Variants in ZNF268 observed in about 807,000 individuals in gnomAD.
The protein encoded by ZNF268 is zinc finger protein 268.
ZNF268 carries 20 observed loss-of-function variants against 29.3 expected under a neutral mutation model. That is an observed-to-expected ratio of 0.68 (90% CI 0.48 to 0.99). The LOEUF (loss-of-function observed/expected upper bound fraction) is 0.99, where lower values mean the gene tolerates loss of function less well. Ranked by LOEUF, ZNF268 falls within the 50% of genes least tolerant of loss-of-function variation. The pLI, the probability that ZNF268 is intolerant of heterozygous loss-of-function variation, is 0.00. For missense variants in ZNF268, 1,240 were observed against 1,121.6 expected (o/e 1.11, Z -1.51); for synonymous variants, 429 against 376.9 (o/e 1.14, Z -1.60).
rs1956858706 is a variant in ZNF268, at chr12:133,204,813, T to C, written c.*283T>C. ...AAAAGTTCATACAGGTGAGGAACCA[T>C]GTTAAACGTTGTAAAGTCATTTTAC... On this transcript the variant is annotated 3_prime_UTR_variant, in exon 6 of 6. Transcript: ENST00000536435. 3.4e-6 allele frequency: 1 copy of C among 297,076 alleles called. No individual in the cohort carries two copies. The highest frequency in any genetic ancestry group is 6.2e-6 in the Non-Finnish European group (1 of 161,446). 18.4% of individuals were successfully genotyped at this position (297,076 alleles called of 1,614,324 possible). A position where few individuals can be genotyped will look rare whatever the true frequency, so the allele number is the denominator to read the frequency against.
intron 5 of ZNF268, among the ~76,000 whole-genome samples, chr12:133,195,398 G>A (rs895431338): frequency 6.6e-6 from 1 of 152,124 alleles, no homozygotes; most frequent in Non-Finnish European, 1.5e-5. Context: ...ATGTTCAACA[G>A]GCTAAATTTT....
At position 133,202,196 on chromosome 12, in the gene ZNF268, C is replaced by T; in HGVS notation, c.510C>T (p.Asp170=). 2 of 1,603,646 alleles carry T rather than the reference C, an allele frequency of 1.2e-6. No homozygotes were observed. Among genetic ancestry groups the T allele is most frequent in the Non-Finnish European group, 1.7e-6 (2 of 1,175,454 alleles). ...TGGATTGGCATCAGGAAAATAAAGA[C>T]AAGCTGGGAAGTACGGCAAAAAGCT... The part of the protein sequence containing the change: ...DLMDWHQENK[D]KLGSTAKSFE... The change falls in exon 6 of 6, where the codon GAC becomes GAT. Residue 170 remains aspartate (D), a synonymous_variant. Coordinates refer to ENST00000536435, the MANE Select transcript of ZNF268 (RefSeq NM_003415.3).
At position 133,203,534 on chromosome 12, in the gene ZNF268, G is replaced by T; in HGVS notation, c.1848G>T (p.Glu616Asp). ...HTGEKPFECS[E>D]CQKAFNTKSN... The stretch of plus-strand genomic sequence containing the variant: ...GGGAGAAACCATTTGAATGTAGTGA[G>T]TGTCAGAAAGCCTTTAATACAAAGT... Residue 616 changes from glutamate (E) to aspartate (D), a missense_variant, in exon 6 of 6, where the codon GAG becomes GAT. By Grantham distance (45) the Glu-to-Asp change is conservative. This residue lies in a region of ZNF268 where 1,177 missense variants were observed against 1,039.6 expected (regional missense o/e 1.13). Transcript: ENST00000536435. 1.3e-6 allele frequency: 2 copies of T among 1,549,596 alleles called. No homozygotes were observed. Among genetic ancestry groups the T allele is most frequent in the Non-Finnish European group, 1.7e-6 (2 of 1,151,010 alleles).
In ZNF268 at chr12:133,191,980, A is replaced by G; in HGVS notation, c.434A>G (p.Gln145Arg). 1 of 1,613,576 alleles carries G rather than the reference A, an allele frequency of 6.2e-7. No homozygotes were observed. Among genetic ancestry groups the G allele is most frequent in the Non-Finnish European group, 8.5e-7 (1 of 1,179,566 alleles). The stretch of plus-strand genomic sequence containing the variant: ...GAAGAGCTGTGTATGGTGCAGGCCC[A>G]AGTTCCAAATCAGACCTGTCCAAGT... ...QGEELCMVQA[Q>R]VPNQTCPNTV... The change falls in exon 5 of 6, where the codon CAA (glutamine) becomes CGA (arginine). Residue 145 changes from glutamine to arginine, a missense_variant. By Grantham distance (43) the Gln-to-Arg change is conservative. This residue lies in a region of ZNF268 where 1,177 missense variants were observed against 1,039.6 expected (regional missense o/e 1.13). Transcript: ENST00000536435.
At position 133,191,589 on chromosome 12, in the gene ZNF268, A is replaced by G. The variant is rs778030214; in HGVS notation, c.335A>G (p.Glu112Gly). 1.9e-6 allele frequency: 3 copies of G among 1,614,114 alleles called. No individual in the cohort carries two copies. Among genetic ancestry groups the G allele is most frequent in the Non-Finnish European group, 8.5e-7 (1 of 1,180,022 alleles). The change falls in exon 4 of 6, where the codon GAG (glutamate) becomes GGG (glycine). Residue 112 changes from glutamate (E) to glycine (G), a missense_variant. Coordinates refer to ENST00000536435, the MANE Select transcript of ZNF268 (RefSeq NM_003415.3). ...TGCCTGTACAGGAGTGTGATGTTGGAGAACTATAGCAACCTGGTGTCCCTA... is the reference window on the plus strand; with the variant it reads ...TGCCTGTACAGGAGTGTGATGTTGGGGAACTATAGCAACCTGGTGTCCCTA... ...QKCLYRSVML[E>G]NYSNLVSLGY...
Position 133,187,874 on chromosome 12 carries a change from C to A in ZNF268, c.36C>A (p.Val12=), listed in dbSNP as rs150926162. ...ATRVRTASIW[V]PPLQERNSSW... Reference sequence around the variant, plus strand: ...TAAATTTGCTCTTGAGTCCACAGGTCCCACCTCTCCAAGAACGAAACAGTT... The same window carrying A: ...TAAATTTGCTCTTGAGTCCACAGGTACCACCTCTCCAAGAACGAAACAGTT... Residue 12 remains valine (V), a splice_region_variant and synonymous_variant, in exon 3 of 6, where the codon GTC becomes GTA. Coordinates refer to ENST00000536435, the MANE Select transcript of ZNF268 (RefSeq NM_003415.3). The A allele has an allele frequency of 4.7e-5, 74 of 1,589,650 alleles. No homozygotes were observed. In the East Asian group the frequency reaches 1.5e-3, roughly 33 times the overall value.
rs1432686134 is a variant in ZNF268 at position 133,205,792 on chromosome 12, C to T, written c.*1262C>T. ...CTTGATTTCCTCTTAACGAAACATT[C>T]CCTAACGGTGTATGTAGTCATGAGG... On this transcript the variant is annotated 3_prime_UTR_variant, in exon 6 of 6. Coordinates refer to ENST00000536435, the MANE Select transcript of ZNF268 (RefSeq NM_003415.3). 6.6e-6 allele frequency: 1 copy of T among 152,154 alleles called. No individual in the cohort carries two copies. Among genetic ancestry groups the T allele is most frequent in the Non-Finnish European group, 1.5e-5 (1 of 68,036 alleles). 9.4% of individuals were successfully genotyped at this position (152,154 alleles called of 1,614,324 possible).
rs199706101 is a variant in ZNF268 at position 133,209,795 on chromosome 12, AGAGT to A, written c.*5269_*5272del. ...GCCATTGCACTCCAGCCCGGGCAGC[AGAGT>A]GAGACTCCTTCAAAAAAAATTAATA... On this transcript the variant is annotated 3_prime_UTR_variant, in exon 6 of 6. Transcript: ENST00000536435. 1,850 of 152,368 alleles carry A rather than the reference AGAGT, an allele frequency of 0.012. 37 individuals carry two copies. The highest frequency in any genetic ancestry group is 0.043 in the African/African-American group (1,785 of 41,584). The allele number at this position is 152,368 out of a possible 1,614,324, so 9.4% of individuals were successfully genotyped here. A position where few individuals can be genotyped will look rare whatever the true frequency, so the allele number is the denominator to read the frequency against.
intron 2 of ZNF268, among the ~76,000 whole-genome samples, chr12:133,182,534 G>T (rs1446966316): frequency 6.6e-6 from 1 of 152,118 alleles, no homozygotes. Context: ...TGAGTGCTCT[G>T]GGAGCAGGCT....
intron 2 of ZNF268, 39 bp downstream of exon 2, chr12:133,182,069 C>G: frequency 1.3e-6 from 2 of 1,550,694 alleles, no homozygotes. Context: ...AAAGCTCTCC[C>G]TGAATGCCAA....
At position 133,202,676 on chromosome 12, in the gene ZNF268, A is replaced by G. The variant is rs1405592365; in HGVS notation, c.990A>G (p.Lys330=). The G allele has an allele frequency of 3.7e-6, 6 of 1,608,706 alleles. No homozygotes were observed. Among genetic ancestry groups the G allele is most frequent in the Non-Finnish European group, 5.1e-6 (6 of 1,177,226 alleles). The change falls in exon 6 of 6, where the codon AAA becomes AAG. Residue 330 remains lysine (K), a synonymous_variant. Coordinates refer to ENST00000536435, the MANE Select transcript of ZNF268 (RefSeq NM_003415.3). ...ATCAGAGAATTCATACAGGAGAGAA[A>G]CTACATGAATGCAGTGAATGCAGGA... is the stretch of plus-strand genomic sequence containing the variant. ...IVHQRIHTGE[K]LHECSECRKT...
At chr12:133,192,692 C>T (rs747128592) in intron 5 of ZNF268, among the ~76,000 whole-genome samples, 5 of 151,448 alleles carry the variant, frequency 3.3e-5, no homozygotes, top group South Asian at 2.1e-4. Context: ...TTTTTTGAGA[C>T]GGAGTCTCAT....
intron 5 of ZNF268, among the ~76,000 whole-genome samples, chr12:133,200,191 T>A (rs368666492): frequency 1.3e-5 from 2 of 152,208 alleles, no homozygotes; most frequent in East Asian, 3.8e-4. Context: ...CTCTACACAC[T>A]GCTTTGAATG....
rs1956892917 is a variant in ZNF268, at chr12:133,206,014, TTAAC to T, written c.*1486_*1489del. On this transcript the variant is annotated 3_prime_UTR_variant, in exon 6 of 6. Transcript: ENST00000536435. Reference sequence around the variant, plus strand: ...AACAGCTTTTGTTACTGTCATTTTCTTAACTTTGTTCACTTGTCTTTTATTTTGA... The same window carrying T: ...AACAGCTTTTGTTACTGTCATTTTCTTTTGTTCACTTGTCTTTTATTTTGA... 1 of 152,250 alleles carries T rather than the reference TTAAC, an allele frequency of 6.6e-6. No homozygotes were observed. Among genetic ancestry groups the T allele is most frequent in the Non-Finnish European group, 1.5e-5 (1 of 68,040 alleles). 9.4% of individuals were successfully genotyped at this position (152,250 alleles called of 1,614,324 possible).
At position 133,207,311 on chromosome 12, in the gene ZNF268, AAAT is replaced by A. The variant is rs1566394381; in HGVS notation, c.*2782_*2784del. 4.0e-4 allele frequency: 8 copies of A among 20,070 alleles called. No homozygotes were observed. Among genetic ancestry groups the A allele is most frequent in the African/African-American group, 1.1e-3 (8 of 7,492 alleles). 1.2% of individuals were successfully genotyped at this position (20,070 alleles called of 1,614,324 possible). On this transcript the variant is annotated 3_prime_UTR_variant, in exon 6 of 6. Transcript: ENST00000536435. The stretch of plus-strand genomic sequence containing the variant: ...ACCATATTTGTGAACATAGGTTTAA[AAAT>A]CCATATTTGTGAACATAGGTTTAAA...
chr12:133,204,057 A>T lies in ZNF268; in HGVS notation c.2371A>T (p.Ser791Cys). 1 of 1,562,068 alleles carries T rather than the reference A, an allele frequency of 6.4e-7. No homozygotes were observed. The highest frequency in any genetic ancestry group is 8.6e-7 in the Non-Finnish European group (1 of 1,156,820). The change falls in exon 6 of 6, where the codon AGC (serine) becomes TGC (cysteine). Residue 791 changes from serine (S) to cysteine (C), a missense_variant. This residue lies in a region of ZNF268 where 1,177 missense variants were observed against 1,039.6 expected (regional missense o/e 1.13). Transcript: ENST00000536435. ...CAGTGAATGTGGGAAAGCTTTTAGCAGCAAGTCATACCTAATTATACACAT... is the reference window on the plus strand; with the variant it reads ...CAGTGAATGTGGGAAAGCTTTTAGCTGCAAGTCATACCTAATTATACACAT... ...GCSECGKAFSSKSYLIIHMRT... is the reference protein window; with the variant it reads ...GCSECGKAFSCKSYLIIHMRT...
chr12:133,192,810 C>T (rs147466009), intron 5 of ZNF268, among the ~76,000 whole-genome samples: 1 of 152,208 alleles, frequency 6.6e-6, no homozygotes, highest in African/African-American at 2.4e-5. Flanking sequence ...CAGGCACCTG[C>T]CACCACGCCC....
intron 5 of ZNF268, among the ~76,000 whole-genome samples, chr12:133,201,571 AT>A (rs1279633975): frequency 6.6e-6 from 1 of 151,806 alleles, no homozygotes; most frequent in Non-Finnish European, 1.5e-5. Context: ...TTCAGTTTTG[AT>A]TTCTCTGGAT....
intron 5 of ZNF268, among the ~76,000 whole-genome samples, chr12:133,192,994 C>T (rs1956512004): frequency 6.6e-6 from 1 of 152,168 alleles, no homozygotes; most frequent in South Asian, 2.1e-4. Flanking sequence ...TCTATACCTT[C>T]TGAGCACATT....
Sources: gnomAD v4.1 joint callset for allele counts (sites outside exome capture counted in the v4.1 genomes callset) on GRCh38, gnomAD v4.1.1 for gene constraint, gnomAD v4.1.1 regional missense constraint, MANE v1.5 for transcripts, NCBI Gene and HGNC (gene_info 2026-07-23, HGNC 2026-07-21) for gene names.